TRIO: variants seen among roughly 807,000 people sequenced by gnomAD.
The protein encoded by TRIO is trio Rho guanine nucleotide exchange factor.
Under a neutral mutation model 351.9 loss-of-function variants are expected in TRIO, and 58 were observed. The observed-to-expected ratio is 0.16, with a 90% CI of 0.13 to 0.21. The LOEUF (loss-of-function observed/expected upper bound fraction) is 0.21, where lower values mean the gene tolerates loss of function less well. TRIO is among the 10% of genes least tolerant of loss of function. The pLI is 1.00. For synonymous variants in TRIO, 1,758 were observed against 1,595.7 expected (o/e 1.10, Z -2.42); for missense variants, 3,201 against 4,027.8 (o/e 0.79, Z 5.56).
intron 1 of TRIO, among the ~76,000 whole-genome samples, chr5:14,213,057 G>A (rs373161348): frequency 2.0e-5 from 3 of 152,182 alleles, no homozygotes; most frequent in East Asian, 1.9e-4. Context: ...TTCAGAGCAG[G>A]TGTGAGGTTC....
At chr5:14,354,501 C>T (rs186848213) in intron 11 of TRIO, among the ~76,000 whole-genome samples, 17 of 152,272 alleles carry the variant, frequency 1.1e-4, no homozygotes, top group Non-Finnish European at 1.6e-4. Context: ...CCTCCTGCTG[C>T]GCTGCAGGTT....
chr5:14,398,488 T>C (rs566820989), intron 29 of TRIO, among the ~76,000 whole-genome samples: 8 of 150,340 alleles, frequency 5.3e-5, no homozygotes, highest in South Asian at 2.1e-4. Context: ...GGCTGGGAAG[T>C]AGGTGGGGGC....
chr5:14,389,428 C>A, intron 25 of TRIO, 30 bp downstream of exon 25: 3 of 1,498,054 alleles, frequency 2.0e-6, no homozygotes, highest in Non-Finnish European at 2.8e-6. Flanking sequence ...GGAGCAGTTA[C>A]GCTTGAAATC....
At chr5:14,167,347 T>G (rs1788828883) in intron 1 of TRIO, among the ~76,000 whole-genome samples, 1 of 152,024 alleles carries the variant, frequency 6.6e-6, no homozygotes, top group Admixed American at 6.6e-5. Context: ...CCCATTTCCA[T>G]ACTTCACTTC....
chr5:14,295,421 G>A (rs891969671), intron 6 of TRIO, among the ~76,000 whole-genome samples: 1 of 152,172 alleles, frequency 6.6e-6, no homozygotes, highest in African/African-American at 2.4e-5. Context: ...AGAAGTGATG[G>A]AGAGATGGAA....
intron 26 of TRIO, 21 bp from the exon 27 acceptor site, chr5:14,390,880 C>CTT: frequency 2.2e-5 from 27 of 1,202,986 alleles, no homozygotes; most frequent in Admixed American, 1.2e-4. Flanking sequence ...TAAATGAGAT[C>CTT]TTTTTTTTTT....
chr5:14,501,497 C>T (rs1579847294), intron 53 of TRIO, among the ~76,000 whole-genome samples: 1 of 152,224 alleles, frequency 6.6e-6, no homozygotes, highest in South Asian at 2.1e-4. Flanking sequence ...AGCAGTACTC[C>T]TGTGACAACA....
intron 11 of TRIO, among the ~76,000 whole-genome samples, chr5:14,338,080 G>T (rs917080101): frequency 6.6e-6 from 1 of 152,178 alleles, no homozygotes; most frequent in Non-Finnish European, 1.5e-5. Flanking sequence ...GCAGTTCCTA[G>T]TCATTGCTGC....
At chr5:14,212,202 A>C (rs371544591) in intron 1 of TRIO, among the ~76,000 whole-genome samples, 2 of 152,290 alleles carry the variant, frequency 1.3e-5, no homozygotes, top group East Asian at 1.9e-4. Context: ...TAGTTTGTAG[A>C]GTACTCAGGA....
intron 13 of TRIO, among the ~76,000 whole-genome samples, chr5:14,360,158 C>T (rs889874828): frequency 1.3e-5 from 2 of 152,188 alleles, no homozygotes; most frequent in Admixed American, 1.3e-4. Flanking sequence ...AATTTCCCCC[C>T]ACAAAGAGGT....
intron 11 of TRIO, among the ~76,000 whole-genome samples, chr5:14,350,853 A>G (rs1034435184): frequency 2.6e-5 from 4 of 152,046 alleles, no homozygotes; most frequent in African/African-American, 9.7e-5. Context: ...CGATTTTTCC[A>G]CAGACCAGCG....
At chr5:14,462,533 A>G (rs767037786) in intron 35 of TRIO, among the ~76,000 whole-genome samples, 10 of 152,172 alleles carry the variant, frequency 6.6e-5, no homozygotes, top group Non-Finnish European at 1.3e-4. Context: ...GTCCCTTTAT[A>G]TGACACATGA....
rs534297782 is a variant in TRIO at position 14,389,523 on chromosome 5, G to A, written c.4058+125G>A. 308 of 650,132 alleles carry A rather than the reference G, an allele frequency of 4.7e-4. 1 individual carries two copies. The South Asian group carries it at 5.4e-3, about 11-fold the overall frequency. 40.3% of individuals were successfully genotyped at this position (650,132 alleles called of 1,614,324 possible). On this transcript the variant is annotated intron_variant, in intron 25 of 56. Transcript: ENST00000344204. ...GTGATTTTGTTTCCATTTGAATGAAGCCTATCAGTCTTTCTCCAAAAAGAC... is the reference window on the plus strand; with the variant it reads ...GTGATTTTGTTTCCATTTGAATGAAACCTATCAGTCTTTCTCCAAAAAGAC...
Position 14,359,521 on chromosome 5 carries a change from A to G in TRIO, c.2381A>G (p.Asp794Gly). ...CTGCAGCTGCGCATCTTCGAGAGGG[A>G]CGCCATCGACGTGAGTGTCCCGCGG... ...LFLQLRIFER[D>G]AIDIISDLES... The change falls in exon 13 of 57, where the codon GAC becomes GGC. Residue 794 changes from aspartate (D) to glycine (G), a missense_variant. Asp to Gly is a moderately conservative substitution (Grantham distance 94). This residue lies in a region of TRIO where 363 missense variants were observed against 553.5 expected (regional missense o/e 0.66). Transcript: ENST00000344204. 2 of 1,613,662 alleles carry G rather than the reference A, an allele frequency of 1.2e-6. No individual in the cohort carries two copies. The highest frequency in any genetic ancestry group is 1.7e-6 in the Non-Finnish European group (2 of 1,179,574).
At chr5:14,434,356 G>T (rs1751417436) in intron 34 of TRIO, among the ~76,000 whole-genome samples, 1 of 151,978 alleles carries the variant, frequency 6.6e-6, no homozygotes, top group African/African-American at 2.4e-5. Context: ...TTTATTTACA[G>T]ATCTTTAATT....
intron 55 of TRIO, among the ~76,000 whole-genome samples, chr5:14,505,230 G>A (rs116547863): frequency 0.016 from 2,442 of 152,334 alleles, 22 homozygotes; most frequent in Non-Finnish European, 0.025. Context: ...GTGGGTTCTC[G>A]TGGAAATGTC....
chr5:14,231,361 G>T (rs1056336909), intron 1 of TRIO, among the ~76,000 whole-genome samples: 1 of 152,208 alleles, frequency 6.6e-6, no homozygotes, highest in African/African-American at 2.4e-5. Flanking sequence ...TTTTTCAACA[G>T]ATGTTGGCCA....
rs140308852 is a variant in TRIO, at chr5:14,488,084, TGGAGCTCCATCC to T, written c.7457_7468del (p.Trp2486_Pro2490delinsSer). ...CCCCCTGCAGAAGGGGGGCTCCTTC[TGGAGCTCCATCC>T]CCGCCTCCCCCGCCAGCCGACCCGG... On this transcript the variant is annotated inframe_deletion, in exon 48 of 57. Coordinates refer to ENST00000344204, the MANE Select transcript of TRIO (RefSeq NM_007118.4). 2,647 of 1,609,880 alleles carry T rather than the reference TGGAGCTCCATCC, an allele frequency of 1.6e-3. 21 individuals carry two copies. In the African/African-American group the frequency reaches 0.025, roughly 15 times the overall value.
At chr5:14,300,652 C>T (rs1410314137) in intron 7 of TRIO, among the ~76,000 whole-genome samples, 1 of 152,130 alleles carries the variant, frequency 6.6e-6, no homozygotes, top group African/African-American at 2.4e-5. Context: ...CATGAAATCT[C>T]ATTTCATCCT....
Sources: allele counts gnomAD v4.1 joint callset (sites outside exome capture counted in the v4.1 genomes callset), GRCh38; gene constraint gnomAD v4.1.1; regional missense constraint gnomAD v4.1.1; transcripts MANE v1.5; gene names NCBI Gene and HGNC (gene_info 2026-07-23, HGNC 2026-07-21).